The following DLD variants were observed in gnomAD, a reference collection of about 807,000 sequenced individuals.
DLD encodes the protein dihydrolipoamide dehydrogenase, also known as dihydrolipoyl dehydrogenase, mitochondrial.
Under a neutral mutation model 62.2 loss-of-function variants are expected in DLD, and 36 were observed. The observed-to-expected ratio is 0.58, with a 90% confidence interval of 0.44 to 0.76. The LOEUF (loss-of-function observed/expected upper bound fraction) is 0.76, where lower values mean the gene tolerates loss of function less well. Among genes scored for constraint, DLD ranks in the 30% least tolerant of loss-of-function variants. The pLI, the probability that DLD is intolerant of heterozygous loss-of-function variation, is 0.00. For synonymous variants in DLD, 204 were observed against 199.6 expected (o/e 1.02, Z -0.19); for missense variants, 541 against 608.6 (o/e 0.89, Z 1.17).
At chr7:107,899,457 G>C (rs2031820216) in intron 2 of DLD, among the ~76,000 whole-genome samples, 1 of 151,354 alleles carries the variant, frequency 6.6e-6, no homozygotes, top group Non-Finnish European at 1.5e-5. Flanking sequence ...TACTTCTCCT[G>C]ACCTTACTAA....
At chr7:107,896,912 C>T (rs1006959936) in intron 2 of DLD, among the ~76,000 whole-genome samples, 2 of 151,888 alleles carry the variant, frequency 1.3e-5, no homozygotes, top group African/African-American at 4.8e-5. Context: ...TCTTGGCTCA[C>T]TGCAACTCCA....
Position 107,915,704 on chromosome 7 carries a change from T to C in DLD, c.875+8T>C. On this transcript the variant is annotated splice_region_variant and intron_variant, in intron 9 of 13. Coordinates refer to ENST00000205402, the MANE Select transcript of DLD (RefSeq NM_000108.5). Reference sequence around the variant, plus strand: ...TGGAAAAATTGATGTTTCGTAAGTATACATCATTTGTTTTTGATGTATCAT... The same window carrying C: ...TGGAAAAATTGATGTTTCGTAAGTACACATCATTTGTTTTTGATGTATCAT... 1 of 1,610,754 alleles carries C rather than the reference T, an allele frequency of 6.2e-7. No homozygotes were observed. The highest frequency in any genetic ancestry group is 8.5e-7 in the Non-Finnish European group (1 of 1,177,366).
At chr7:107,892,640 G>A (rs1277191425) in intron 1 of DLD, among the ~76,000 whole-genome samples, 1 of 152,096 alleles carries the variant, frequency 6.6e-6, no homozygotes, top group Non-Finnish European at 1.5e-5. Flanking sequence ...CCGCCTCCCG[G>A]GTTCAAGTGA....
intron 8 of DLD, among the ~76,000 whole-genome samples, chr7:107,907,614 G>C (rs972436161): frequency 1.3e-5 from 2 of 152,046 alleles, no homozygotes; most frequent in Non-Finnish European, 2.9e-5. Flanking sequence ...CCCTTTACTT[G>C]TGCTTGGTAG....
intron 4 of DLD, among the ~76,000 whole-genome samples, 165 bp from the exon 5 acceptor site, chr7:107,903,313 G>T (rs1409270758): frequency 6.6e-6 from 1 of 152,206 alleles, no homozygotes; most frequent in Non-Finnish European, 1.5e-5. Flanking sequence ...GGGAGGCGGA[G>T]GTTGCGGTGA....
chr7:107,902,413 A>G lies in DLD; in HGVS notation c.267+20A>G. 6.2e-7 allele frequency: 1 copy of G among 1,611,304 alleles called. No homozygotes were observed. The highest frequency in any genetic ancestry group is 1.3e-5 in the African/African-American group (1 of 74,990). On this transcript the variant is annotated intron_variant, in intron 4 of 13. Coordinates refer to ENST00000205402, the MANE Select transcript of DLD (RefSeq NM_000108.5). ...TCTAAGGTGAGCATGTGTTTTGTACAGCACAGAGATTGTTTTTGGCTAGCA... is the reference window on the plus strand; with the variant it reads ...TCTAAGGTGAGCATGTGTTTTGTACGGCACAGAGATTGTTTTTGGCTAGCA...
intron 4 of DLD, 44 bp downstream of exon 4, chr7:107,902,437 C>A: frequency 6.5e-7 from 1 of 1,535,478 alleles, no homozygotes; most frequent in Non-Finnish European, 9.0e-7. Context: ...TTTTGGCTAG[C>A]AACCAACTAG....
At chr7:107,907,849 A>G (rs889678689) in intron 8 of DLD, among the ~76,000 whole-genome samples, 1 of 152,230 alleles carries the variant, frequency 6.6e-6, no homozygotes, top group Non-Finnish European at 1.5e-5. Flanking sequence ...TTCAAAACCC[A>G]GCTTCTCAAA....
intron 2 of DLD, among the ~76,000 whole-genome samples, chr7:107,899,553 G>A (rs2031825054): frequency 6.6e-6 from 1 of 151,818 alleles, no homozygotes; most frequent in South Asian, 2.1e-4. Context: ...GTGATTAAAA[G>A]TATATGCTCA....
chr7:107,907,719 G>C (rs990506107), intron 8 of DLD, among the ~76,000 whole-genome samples: 4 of 152,084 alleles, frequency 2.6e-5, no homozygotes, highest in African/African-American at 9.7e-5. Flanking sequence ...AATTTCATGT[G>C]CTTCTATGTG....
intron 1 of DLD, among the ~76,000 whole-genome samples, chr7:107,892,443 C>T (rs17154575): frequency 0.28 from 42,583 of 151,974 alleles, 7,290 homozygotes; most frequent in East Asian, 0.51. Flanking sequence ...TGTATATACA[C>T]GCTAGCTTAG....
chr7:107,916,758 T>C (rs1387233808), intron 9 of DLD, 36 bp from the exon 10 acceptor site: 3 of 1,577,598 alleles, frequency 1.9e-6, no homozygotes, highest in Non-Finnish European at 2.6e-6. Flanking sequence ...TTTATGTAGG[T>C]GTGTATTTAA....
At chr7:107,891,172 G>C, upstream of DLD, 2 of 1,569,488 alleles carry the variant, frequency 1.3e-6, no homozygotes, top group Non-Finnish European at 8.8e-7. Context: ...GCATGCGCAG[G>C]GAGGGGAGAC....
At chr7:107,912,656 G>T (rs924389691) in intron 8 of DLD, among the ~76,000 whole-genome samples, 7 of 151,888 alleles carry the variant, frequency 4.6e-5, no homozygotes, top group African/African-American at 1.7e-4. Flanking sequence ...CGGATCTGGT[G>T]CTCATTTTAA....
At chr7:107,917,493 ATG>A in intron 11 of DLD, 31 bp downstream of exon 11, 2 of 1,607,064 alleles carry the variant, frequency 1.2e-6, no homozygotes, top group Non-Finnish European at 1.7e-6. Context: ...TTTTAAGCCA[ATG>A]TGTGAGTTGT....
chr7:107,899,765 T>C (rs2116197010), intron 2 of DLD, among the ~76,000 whole-genome samples: 1 of 152,058 alleles, frequency 6.6e-6, no homozygotes, highest in East Asian at 1.9e-4. Flanking sequence ...AACAGTTCTC[T>C]CTGGGCTGTA....
Position 107,915,663 on chromosome 7 carries a change from C to T in DLD, c.842C>T (p.Ala281Val). 1 of 1,613,658 alleles carries T rather than the reference C, an allele frequency of 6.2e-7. No homozygotes were observed. Among genetic ancestry groups the T allele is most frequent in the Non-Finnish European group, 8.5e-7 (1 of 1,179,804 alleles). The stretch of plus-strand genomic sequence containing the variant: ...AAATTGAATACAAAGGTTACTGGTG[C>T]TACCAAGAAGTCAGATGGAAAAATT... Reference protein sequence around the residue: ...KFKLNTKVTGATKKSDGKIDV... With the variant: ...KFKLNTKVTGVTKKSDGKIDV... The change falls in exon 9 of 14, where the codon GCT (alanine) becomes GTT (valine). Residue 281 changes from alanine (A) to valine (V), a missense_variant. Coordinates refer to ENST00000205402, the MANE Select transcript of DLD (RefSeq NM_000108.5).
rs1179381129 is a variant in DLD at position 107,920,177 on chromosome 7, A to G, written c.*918A>G. On this transcript the variant is annotated 3_prime_UTR_variant, in exon 14 of 14. Transcript: ENST00000205402. ...ATATACTTTTGGAGAAGTACAACAT[A>G]AGGGAGTCTTTAATCTGTGTTTTCC... 2 of 152,320 alleles carry G rather than the reference A, an allele frequency of 1.3e-5. No homozygotes were observed. The highest frequency in any genetic ancestry group is 4.8e-5 in the African/African-American group (2 of 41,458). 9.4% of individuals were successfully genotyped at this position (152,320 alleles called of 1,614,324 possible).
intron 11 of DLD, 94 bp from the exon 12 acceptor site, chr7:107,917,830 G>C: frequency 6.6e-7 from 1 of 1,526,294 alleles, no homozygotes; most frequent in Non-Finnish European, 9.1e-7. Context: ...TTCCCTTCTT[G>C]GGATTTATTT....
Sources: allele counts gnomAD v4.1 joint callset (sites outside exome capture counted in the v4.1 genomes callset), GRCh38; gene constraint gnomAD v4.1.1; transcripts MANE v1.5; gene names NCBI Gene and HGNC (gene_info 2026-07-23, HGNC 2026-07-21).